MASTL: variants seen among roughly 807,000 people sequenced by gnomAD.
The protein encoded by MASTL is serine/threonine-protein kinase greatwall.
In MASTL, 54 loss-of-function variants were observed where a neutral mutation model predicts 82.5. The ratio of observed to expected loss-of-function variants is 0.65; its 90% CI spans 0.53 to 0.82. The LOEUF (loss-of-function observed/expected upper bound fraction) is 0.82, where lower values mean the gene tolerates loss of function less well. MASTL is among the 40% of genes least tolerant of loss of function. The probability of loss-of-function intolerance (pLI) is 0.00; values close to 1 mark genes in which losing one functional copy is unlikely to be tolerated. For synonymous variants in MASTL, 323 were observed against 368.9 expected (o/e 0.88, Z 1.43); for missense variants, 950 against 1,047.8 (o/e 0.91, Z 1.29).
chr10:27,185,492 G>C (rs1332239770), intron 11 of MASTL, among the ~76,000 whole-genome samples: 1 of 151,626 alleles, frequency 6.6e-6, no homozygotes, highest in Admixed American at 6.6e-5. Flanking sequence ...AATTAGCCAG[G>C]CTTGGTGGTA....
At chr10:27,164,362 C>G (rs568037346) in intron 4 of MASTL, among the ~76,000 whole-genome samples, 1 of 152,206 alleles carries the variant, frequency 6.6e-6, no homozygotes, top group Non-Finnish European at 1.5e-5. Context: ...TGGTTTCAAA[C>G]TCCTGGGCTC....
Position 27,161,083 on chromosome 10 carries a change from T to C in MASTL, c.465-11T>C. On this transcript the variant is annotated splice_polypyrimidine_tract_variant and intron_variant, in intron 3 of 11. Coordinates refer to ENST00000375940, the MANE Select transcript of MASTL (RefSeq NM_001172303.3). Reference sequence around the variant, plus strand: ...TTTTGGTTATCTAATATTTGCCTTTTGTGTGTGCAGGGACTTGAAACCGGA... The same window carrying C: ...TTTTGGTTATCTAATATTTGCCTTTCGTGTGTGCAGGGACTTGAAACCGGA... 1 of 1,586,884 alleles carries C rather than the reference T, an allele frequency of 6.3e-7. No homozygotes were observed. The highest frequency in any genetic ancestry group is 1.3e-5 in the African/African-American group (1 of 74,504).
At chr10:27,156,051 C>T (rs1373544900) in intron 1 of MASTL, among the ~76,000 whole-genome samples, 5 of 152,140 alleles carry the variant, frequency 3.3e-5, no homozygotes, top group African/African-American at 1.2e-4. Flanking sequence ...GTTTCCCAGG[C>T]TGGAGTGCAG....
At chr10:27,168,916 T>G (rs2136052483) in intron 7 of MASTL, among the ~76,000 whole-genome samples, 1 of 152,334 alleles carries the variant, frequency 6.6e-6, no homozygotes, top group East Asian at 1.9e-4. Context: ...ATAAGCACTA[T>G]TAGAGTTTAC....
At chr10:27,171,410 A>AATAATT (rs1554815373) in intron 8 of MASTL, among the ~76,000 whole-genome samples, 1 of 144,754 alleles carries the variant, frequency 6.9e-6, no homozygotes, top group African/African-American at 2.6e-5. Context: ...TGAGTTACAA[A>AATAATT]ATTATTATTA....
Position 27,165,509 on chromosome 10 carries a change from A to G in MASTL, c.781A>G (p.Thr261Ala). 1 of 1,614,162 alleles carries G rather than the reference A, an allele frequency of 6.2e-7. No individual in the cohort carries two copies. The highest frequency in any genetic ancestry group is 8.5e-7 in the Non-Finnish European group (1 of 1,180,004). Reference protein sequence around the residue: ...CPMSVDQKDTTPYSSKLLKSC... With the variant: ...CPMSVDQKDTAPYSSKLLKSC... The stretch of plus-strand genomic sequence containing the variant: ...TATGTCTGTAGATCAAAAGGACACT[A>G]CGCCTTATTCTAGCAAATTACTAAA... Residue 261 changes from threonine (T) to alanine (A), a missense_variant, in exon 6 of 12, where the codon ACG (threonine) becomes GCG (alanine). Physicochemically the swap from Thr to Ala is moderately conservative, Grantham distance 58. Coordinates refer to ENST00000375940, the MANE Select transcript of MASTL (RefSeq NM_001172303.3).
intron 8 of MASTL, among the ~76,000 whole-genome samples, chr10:27,172,700 T>G (rs2057988543): frequency 6.6e-6 from 1 of 152,164 alleles, no homozygotes; most frequent in Non-Finnish European, 1.5e-5. Context: ...CTAAAAATTT[T>G]TAAATGCTAT....
At chr10:27,183,374 C>T (rs2058439727) in intron 11 of MASTL, among the ~76,000 whole-genome samples, 2 of 152,068 alleles carry the variant, frequency 1.3e-5, no homozygotes. Context: ...ACCTCCGCCT[C>T]CCAGGTTCAA....
At chr10:27,164,949 T>C (rs1056877159) in intron 4 of MASTL, 115 bp from the exon 5 acceptor site, 1 of 743,552 alleles carries the variant, frequency 1.3e-6, no homozygotes, top group Non-Finnish European at 2.3e-6. Flanking sequence ...CTGTCTCCTT[T>C]TTTAACATTT....
Position 27,165,426 on chromosome 10 carries a change from A to G in MASTL, c.698A>G (p.Asn233Ser), listed in dbSNP as rs1227473786. ...GCAGAAAAAAATCAAGACCCTGCAA[A>G]CATCCTTTCAGCCTGTCTGTCTGAA... ...PIAEKNQDPANILSACLSETS... is the reference protein window; with the variant it reads ...PIAEKNQDPASILSACLSETS... Residue 233 changes from asparagine (N) to serine (S), a missense_variant, in exon 6 of 12, where the codon AAC becomes AGC. Coordinates refer to ENST00000375940, the MANE Select transcript of MASTL (RefSeq NM_001172303.3). 2.5e-6 allele frequency: 4 copies of G among 1,614,084 alleles called. No individual in the cohort carries two copies. The highest frequency in any genetic ancestry group is 8.5e-7 in the Non-Finnish European group (1 of 1,180,052).
chr10:27,154,904 C>G (rs184839122), upstream of MASTL: 48 of 162,830 alleles, frequency 2.9e-4, 2 homozygotes, highest in South Asian at 3.1e-3. Flanking sequence ...GGGAAAACGT[C>G]AGATGACAGG....
rs202128934 is a variant in MASTL at position 27,167,136 on chromosome 10, T to C, written c.846T>C (p.Pro282=). 68 of 1,613,964 alleles carry C rather than the reference T, an allele frequency of 4.2e-5. No individual in the cohort carries two copies. The highest frequency in any genetic ancestry group is 5.8e-5 in the Non-Finnish European group (68 of 1,179,950). The change falls in exon 7 of 12, where the codon CCT becomes CCC. Residue 282 remains proline (P), a synonymous_variant. Coordinates refer to ENST00000375940, the MANE Select transcript of MASTL (RefSeq NM_001172303.3). ...LETVASNPGM[P]VKCLTSNLLQ... Reference sequence around the variant, plus strand: ...CAGTTGCCTCCAACCCAGGAATGCCTGTGAAGTGTCTAACTTCTAATTTAC... The same window carrying C: ...CAGTTGCCTCCAACCCAGGAATGCCCGTGAAGTGTCTAACTTCTAATTTAC...
At chr10:27,171,404 T>G (rs547520011) in intron 8 of MASTL, among the ~76,000 whole-genome samples, 12 of 145,312 alleles carry the variant, frequency 8.3e-5, no homozygotes, top group Admixed American at 2.8e-4. Context: ...GTACTATGAG[T>G]TACAAAATTA....
intron 8 of MASTL, among the ~76,000 whole-genome samples, chr10:27,171,675 C>A (rs1039809436): frequency 2.6e-5 from 4 of 151,652 alleles, no homozygotes; most frequent in Admixed American, 2.0e-4. Flanking sequence ...TCAAGCAATC[C>A]GCCCACCTCG....
At position 27,173,133 on chromosome 10, in the gene MASTL, A is replaced by G. The variant is rs1286576096; in HGVS notation, c.2140A>G (p.Ile714Val). 6.2e-7 allele frequency: 1 copy of G among 1,614,136 alleles called. No individual in the cohort carries two copies. Among genetic ancestry groups the G allele is most frequent in the South Asian group, 1.1e-5 (1 of 91,080 alleles). Reference protein sequence around the residue: ...CMPHQQTPNQIKSGTPYRTPK... With the variant: ...CMPHQQTPNQVKSGTPYRTPK... ...TTTGAATTAGCAGACCCCAAATCAG[A>G]TCAAGTCGGGAACTCCATACCGAAC... is the stretch of plus-strand genomic sequence containing the variant. The change falls in exon 9 of 12, where the codon ATC becomes GTC. Residue 714 changes from isoleucine to valine, a missense_variant. Physicochemically the swap from Ile to Val is conservative, Grantham distance 29. Transcript: ENST00000375940.
chr10:27,170,839 C>T lies in MASTL; in HGVS notation c.1880C>T (p.Ala627Val). The T allele has an allele frequency of 1.2e-6, 2 of 1,614,134 alleles. No homozygotes were observed. Among genetic ancestry groups the T allele is most frequent in the Admixed American group, 1.7e-5 (1 of 60,018 alleles). ...KTSPKGVENP[A>V]VQESNQKMLG... is the part of the protein sequence containing the mutation. ...TCACCAAAAGGTGTCGAGAACCCTG[C>T]TGTACAAGAGAGTAACCAAAAAATG... The change falls in exon 8 of 12, where the codon GCT (alanine) becomes GTT (valine). Residue 627 changes from alanine to valine, a missense_variant. Physicochemically the swap from Ala to Val is moderately conservative, Grantham distance 64. Transcript: ENST00000375940.
Position 27,169,495 on chromosome 10 carries a change from A to C in MASTL, c.985-449A>C, listed in dbSNP as rs1034786817. Among the ~76,000 whole-genome samples the C allele has an allele frequency of 5.9e-5, 9 of 151,676 alleles. 1 individual carries two copies. The highest frequency in any genetic ancestry group is 5.9e-4 in the Admixed American group (9 of 15,190). The stretch of plus-strand genomic sequence containing the variant: ...TGAGGTGGGAGAATTGCTTGAACCC[A>C]GGAGGCAGAGGCTGCAGTGAGCTGA... On this transcript the variant is annotated intron_variant, in intron 7 of 11. Transcript: ENST00000375940.
Position 27,187,751 on chromosome 10 carries a change from CA to C in MASTL, c.*1229del, listed in dbSNP as rs11442040. On this transcript the variant is annotated 3_prime_UTR_variant, in exon 12 of 12. Transcript: ENST00000375940. ...TGGGCAACAGAATGAGACTCAGTCT[CA>C]AAAAAAAAAAAAATACTACTGGAAC... is the stretch of plus-strand genomic sequence containing the variant. Among the ~76,000 whole-genome samples, 14,882 of 139,270 alleles carry C rather than the reference CA, an allele frequency of 0.11. 2,299 individuals carry two copies. The highest frequency in any genetic ancestry group is 0.36 in the African/African-American group (13,594 of 38,030). The allele number at this position is 139,270 out of a possible 152,430, so 91.4% of individuals were successfully genotyped here.
intron 4 of MASTL, among the ~76,000 whole-genome samples, chr10:27,164,736 C>T (rs2057685697): frequency 1.3e-5 from 2 of 151,990 alleles, no homozygotes; most frequent in East Asian, 3.9e-4. Flanking sequence ...CTCCCGTGTT[C>T]AAGTGATTCT....
Sources: allele counts gnomAD v4.1 joint callset (sites outside exome capture counted in the v4.1 genomes callset), GRCh38; gene constraint gnomAD v4.1.1; transcripts MANE v1.5; gene names NCBI Gene and HGNC (gene_info 2026-07-23, HGNC 2026-07-21).